KDM6A: variants seen among roughly 807,000 people sequenced by gnomAD.
KDM6A encodes lysine-specific demethylase 6A.
KDM6A carries 11 observed loss-of-function variants against 117.6 expected under a neutral mutation model. The ratio of observed to expected loss-of-function variants is 0.09; its 90% CI spans 0.06 to 0.15. The LOEUF is 0.15. Ranked by LOEUF, KDM6A falls within the 10% of genes least tolerant of loss-of-function variation. The pLI, the probability that KDM6A is intolerant of heterozygous loss-of-function variation, is 1.00. For synonymous variants in KDM6A, 384 were observed against 396.1 expected, an observed-to-expected ratio of 0.97 and a Z score of 0.36; for missense variants, 799 against 1,077.3, an observed-to-expected ratio of 0.74 and a Z score of 3.62.
At chrX:44,990,912 G>A (rs1375516904) in intron 4 of KDM6A, among the ~76,000 whole-genome samples, 9 of 111,869 alleles carry the variant, frequency 8.0e-5, no homozygotes, top group Non-Finnish European at 3.8e-5. Flanking sequence ...AAAGTGTTTG[G>A]AATGTTCTCA....
At position 44,916,338 on chromosome X, in the gene KDM6A, GC is replaced by G. The variant is rs1290713261; in HGVS notation, c.225+42354del. Reference sequence around the variant, plus strand: ...GTCTTCTGTGGGGAGGAATACTTGTGCCCTTATGACTATATTCTGTCAAAAG... The same window carrying G: ...GTCTTCTGTGGGGAGGAATACTTGTGCCTTATGACTATATTCTGTCAAAAG... On this transcript the variant is annotated intron_variant, in intron 2 of 29. Coordinates refer to ENST00000611820, the MANE Select transcript of KDM6A (RefSeq NM_001291415.2). 3.6e-5 allele frequency among the ~76,000 whole-genome samples: 4 copies of G among 110,464 alleles called. No homozygotes were observed. In the East Asian group the frequency reaches 8.6e-4, roughly 24 times the overall value.
At chrX:45,057,101 C>T (rs1260300854) in intron 10 of KDM6A, among the ~76,000 whole-genome samples, 1 of 111,492 alleles carries the variant, frequency 9.0e-6, no homozygotes, top group Non-Finnish European at 1.9e-5. Context: ...GCTTTTACTT[C>T]TCCCTTTAGA....
chrX:44,924,648 GGTGTGTGTGTGT>G (rs112587323), intron 2 of KDM6A, among the ~76,000 whole-genome samples: 46 of 90,449 alleles, frequency 5.1e-4, no homozygotes, highest in African/African-American at 1.5e-3. Context: ...GGTGGTCCTG[GGTGTGTGTGTGT>G]GTGTGTGTGT....
Position 44,922,059 on chromosome X carries a change from TTTTTTAA to T in KDM6A, c.226-39224_226-39218del, listed in dbSNP as rs2035986819. Among the ~76,000 whole-genome samples, 13 of 69,791 alleles carry T rather than the reference TTTTTTAA, an allele frequency of 1.9e-4. 1 individual carries two copies. Among genetic ancestry groups the T allele is most frequent in the Non-Finnish European group, 3.6e-4 (13 of 36,235 alleles). 60.6% of individuals were successfully genotyped at this position (69,791 alleles called of 115,157 possible). ...TTTTTTTTTTTTTTTTTTTTTTTTT[TTTTTTAA>T]GAGACAGAGCCTGTTGCCCAGGCTG... is the stretch of plus-strand genomic sequence containing the variant. On this transcript the variant is annotated intron_variant, in intron 2 of 29. Transcript: ENST00000611820.
chrX:45,086,410 C>A, intron 25 of KDM6A, among the ~76,000 whole-genome samples: 1 of 111,915 alleles, frequency 8.9e-6, no homozygotes, highest in East Asian at 2.8e-4. Flanking sequence ...GATATAAATT[C>A]TTTTTAAACT....
chrX:45,002,872 C>G (rs937008955), intron 4 of KDM6A, among the ~76,000 whole-genome samples: 11 of 76,069 alleles, frequency 1.4e-4, no homozygotes, highest in Non-Finnish European at 2.2e-4. Context: ...CCCCCCCCCC[C>G]CTTTTCATTC....
At chrX:44,983,495 G>A (rs938369986) in intron 4 of KDM6A, among the ~76,000 whole-genome samples, 1 of 110,387 alleles carries the variant, frequency 9.1e-6, no homozygotes, top group Non-Finnish European at 1.9e-5. Context: ...CATGTGCCAT[G>A]TTGGTGTGCT....
intron 18 of KDM6A, among the ~76,000 whole-genome samples, chrX:45,072,931 G>A (rs2044927930): frequency 9.3e-6 from 1 of 107,576 alleles, no homozygotes; most frequent in African/African-American, 3.4e-5. Flanking sequence ...GTGCAGGCTC[G>A]TTTCATAGGT....
chrX:45,089,061 T>C (rs2148187170), intron 25 of KDM6A, among the ~76,000 whole-genome samples: 1 of 112,182 alleles, frequency 8.9e-6, no homozygotes, highest in South Asian at 3.7e-4. Flanking sequence ...AATGACTTGA[T>C]GTCAACTCCA....
chrX:45,042,931 T>G (rs2147859331), intron 8 of KDM6A, among the ~76,000 whole-genome samples: 1 of 112,882 alleles, frequency 8.9e-6, no homozygotes, highest in African/African-American at 3.2e-5. Context: ...TTACCTAGAA[T>G]GGTGTTAAAG....
At chrX:45,079,501 A>ATG (rs2045293726) in intron 21 of KDM6A, 150 bp downstream of exon 21, 33 of 424,669 alleles carry the variant, frequency 7.8e-5, no homozygotes, top group East Asian at 2.1e-4. Context: ...TCGTATGTAT[A>ATG]TATGTATGTA....
At chrX:44,875,036 A>G (rs910748988) in intron 2 of KDM6A, among the ~76,000 whole-genome samples, 3 of 112,408 alleles carry the variant, frequency 2.7e-5, no homozygotes, top group African/African-American at 9.7e-5. Context: ...ATCTGTATGC[A>G]TCAGTTTATA....
chrX:44,898,794 T>C (rs2034095013), intron 2 of KDM6A, among the ~76,000 whole-genome samples: 1 of 109,881 alleles, frequency 9.1e-6, no homozygotes. Context: ...ATTCCCTGTT[T>C]TGTCTTGCCA....
chrX:44,915,407 A>G (rs768622799), intron 2 of KDM6A, among the ~76,000 whole-genome samples: 2 of 112,036 alleles, frequency 1.8e-5, no homozygotes, highest in African/African-American at 3.2e-5. Flanking sequence ...ATTGTACACC[A>G]GTGGCTGGCC....
intron 6 of KDM6A, among the ~76,000 whole-genome samples, chrX:45,030,771 G>A (rs934434066): frequency 1.8e-5 from 2 of 110,914 alleles, no homozygotes; most frequent in African/African-American, 3.3e-5. Flanking sequence ...GTGCAGTGGT[G>A]CGATCTTGGG....
chrX:44,943,231 A>G (rs1361479828), intron 2 of KDM6A, among the ~76,000 whole-genome samples: 1 of 111,382 alleles, frequency 9.0e-6, no homozygotes, highest in African/African-American at 3.3e-5. Flanking sequence ...GAGTCACACA[A>G]TTTTTTTGGT....
chrX:44,989,654 C>G (rs2040465913), intron 4 of KDM6A, among the ~76,000 whole-genome samples: 1 of 111,851 alleles, frequency 8.9e-6, no homozygotes, highest in South Asian at 3.8e-4. Flanking sequence ...AGTGCACATG[C>G]TTTGTTTGAG....
chrX:44,901,721 C>G (rs2034359278), intron 2 of KDM6A, among the ~76,000 whole-genome samples: 1 of 111,715 alleles, frequency 9.0e-6, no homozygotes, highest in Admixed American at 9.5e-5. Context: ...ATTTTTGTCT[C>G]AAAGTGTATT....
chrX:44,954,803 T>A (rs1190545028), intron 2 of KDM6A, among the ~76,000 whole-genome samples: 3 of 111,066 alleles, frequency 2.7e-5, no homozygotes, highest in Non-Finnish European at 5.7e-5. Context: ...GTTTTGTTTG[T>A]TTAGGGTATG....
Sources: allele counts gnomAD v4.1 joint callset (sites outside exome capture counted in the v4.1 genomes callset), GRCh38; gene constraint gnomAD v4.1.1; transcripts MANE v1.5; gene names NCBI Gene and HGNC (gene_info 2026-07-23, HGNC 2026-07-21).